Variants in DLGAP2 observed in about 807,000 individuals in gnomAD.
DLGAP2 encodes disks large-associated protein 2.
A neutral mutation model predicts 100.3 loss-of-function variants in DLGAP2; 26 were observed. The ratio of observed to expected loss-of-function variants is 0.26; its 90% CI spans 0.19 to 0.36. DLGAP2 has a LOEUF of 0.36. Among genes scored for constraint, DLGAP2 ranks in the 10% least tolerant of loss-of-function variants. DLGAP2 has a pLI of 1.00. For synonymous variants in DLGAP2, 886 were observed against 630.1 expected (o/e 1.41, Z -6.08); for missense variants, 1,858 against 1,453.2 (o/e 1.28, Z -4.53).
intron 2 of DLGAP2, among the ~76,000 whole-genome samples, chr8:924,053 G>A (rs1011237023): frequency 1.3e-5 from 2 of 152,134 alleles, no homozygotes; most frequent in Non-Finnish European, 2.9e-5. Context: ...CATCCATTGC[G>A]TATTGATGGC....
chr8:1,311,932 G>C (rs1008080827), intron 3 of DLGAP2, among the ~76,000 whole-genome samples: 5 of 152,228 alleles, frequency 3.3e-5, no homozygotes, highest in Non-Finnish European at 7.3e-5. Flanking sequence ...AGGAGGAATA[G>C]ATGAGTCCAC....
chr8:1,348,696 T>C (rs1395191483), intron 3 of DLGAP2, among the ~76,000 whole-genome samples: 1 of 152,226 alleles, frequency 6.6e-6, no homozygotes, highest in African/African-American at 2.4e-5. Flanking sequence ...CAGAGCTGCA[T>C]TGCTCTCATG....
chr8:1,523,293 GA>G (rs1156646262), intron 4 of DLGAP2, among the ~76,000 whole-genome samples: 2 of 152,238 alleles, frequency 1.3e-5, no homozygotes, highest in East Asian at 3.9e-4. Context: ...AGGATGTGGG[GA>G]TGGAAGGACC....
chr8:889,294 C>A (rs913308794), intron 1 of DLGAP2, among the ~76,000 whole-genome samples: 1 of 152,144 alleles, frequency 6.6e-6, no homozygotes, highest in East Asian at 1.9e-4. Context: ...GACAGCAGGC[C>A]CCGTTTAATG....
At chr8:1,229,926 C>G (rs1011537846) in intron 2 of DLGAP2, among the ~76,000 whole-genome samples, 4 of 152,146 alleles carry the variant, frequency 2.6e-5, no homozygotes, top group Admixed American at 6.5e-5. Flanking sequence ...ACTGAATAGA[C>G]ACAAGCTGGA....
chr8:791,824 C>T (rs928712519), intron 1 of DLGAP2, among the ~76,000 whole-genome samples: 1 of 152,222 alleles, frequency 6.6e-6, no homozygotes, highest in East Asian at 1.9e-4. Flanking sequence ...TGCTTGAGCT[C>T]ACGCACGCTC....
At chr8:1,188,234 C>T (rs1233629740) in intron 2 of DLGAP2, among the ~76,000 whole-genome samples, 22 of 115,892 alleles carry the variant, frequency 1.9e-4, no homozygotes, top group South Asian at 1.4e-3. Context: ...CCGGGACTTC[C>T]GTGACGTTTC....
intron 3 of DLGAP2, among the ~76,000 whole-genome samples, chr8:1,388,319 GTGCTGGTT>G (rs1796269400): frequency 2.2e-5 from 2 of 90,144 alleles, no homozygotes; most frequent in Non-Finnish European, 4.3e-5. Flanking sequence ...GGATGAGGAG[GTGCTGGTT>G]CAAGTGTCAG....
chr8:744,906 C>T (rs1367480049), intron 1 of DLGAP2, among the ~76,000 whole-genome samples: 1 of 152,236 alleles, frequency 6.6e-6, no homozygotes, highest in Non-Finnish European at 1.5e-5. Context: ...CTCGCTTGGA[C>T]TGGGTCCCGG....
At chr8:1,324,946 C>T (rs1329031065) in intron 3 of DLGAP2, among the ~76,000 whole-genome samples, 1 of 152,208 alleles carries the variant, frequency 6.6e-6, no homozygotes, top group East Asian at 1.9e-4. Context: ...CAGCCTTGCC[C>T]TGGAGGCAGA....
chr8:1,114,320 T>G (rs943039989), intron 2 of DLGAP2, among the ~76,000 whole-genome samples: 2 of 152,156 alleles, frequency 1.3e-5, no homozygotes, highest in Admixed American at 1.3e-4. Context: ...TGTAAATTCA[T>G]CTGTCCTGGG....
At chr8:1,052,791 C>CT (rs1284686618) in intron 2 of DLGAP2, among the ~76,000 whole-genome samples, 6 of 152,076 alleles carry the variant, frequency 3.9e-5, no homozygotes, top group Admixed American at 2.6e-4. Context: ...ATAAGAGAGG[C>CT]TGGGAGCATT....
At chr8:1,614,087 C>G (rs143736692) in intron 6 of DLGAP2, among the ~76,000 whole-genome samples, 1 of 152,290 alleles carries the variant, frequency 6.6e-6, no homozygotes, top group African/African-American at 2.4e-5. Flanking sequence ...TGGTTCACTG[C>G]AAGTGTATGC....
chr8:1,645,972 G>T (rs1024861725), intron 8 of DLGAP2, among the ~76,000 whole-genome samples: 2 of 152,192 alleles, frequency 1.3e-5, no homozygotes, highest in Non-Finnish European at 2.9e-5. Flanking sequence ...TTTGCCATTG[G>T]TGGTGGAGGC....
chr8:1,604,972 C>T (rs1382888437), intron 6 of DLGAP2, among the ~76,000 whole-genome samples: 1 of 152,166 alleles, frequency 6.6e-6, no homozygotes, highest in Non-Finnish European at 1.5e-5. Flanking sequence ...GTGTGGAGTA[C>T]TTGTGGTGTA....
At chr8:1,479,696 C>G (rs905708082) in intron 3 of DLGAP2, among the ~76,000 whole-genome samples, 1 of 152,016 alleles carries the variant, frequency 6.6e-6, no homozygotes, top group Admixed American at 6.6e-5. Context: ...GTTGGCCAAC[C>G]GTAAGATGAA....
At chr8:1,650,268 A>G (rs913399452) in intron 8 of DLGAP2, among the ~76,000 whole-genome samples, 2 of 152,256 alleles carry the variant, frequency 1.3e-5, no homozygotes, top group East Asian at 3.8e-4. Flanking sequence ...AAGGAAACAG[A>G]ATTGGAAATA....
At chr8:856,562 T>A (rs967791242) in intron 1 of DLGAP2, among the ~76,000 whole-genome samples, 8 of 152,352 alleles carry the variant, frequency 5.3e-5, no homozygotes, top group Middle Eastern at 3.4e-3. Context: ...CAAAGGTCAG[T>A]TACTTCATTT....
At chr8:1,269,431 C>T (rs1445766925) in intron 3 of DLGAP2, among the ~76,000 whole-genome samples, 1 of 152,176 alleles carries the variant, frequency 6.6e-6, no homozygotes, top group Admixed American at 6.5e-5. Context: ...CATCCACCTT[C>T]CTGTAACACT....
Sources: gnomAD v4.1 joint callset for allele counts (sites outside exome capture counted in the v4.1 genomes callset) on GRCh38, gnomAD v4.1.1 for gene constraint, MANE v1.5 for transcripts, NCBI Gene and HGNC (gene_info 2026-07-23, HGNC 2026-07-21) for gene names.